Variants in AAK1 observed in about 807,000 individuals in gnomAD.
AAK1 encodes the protein AP2 associated kinase 1, also known as AP2-associated protein kinase 1.
Under a neutral mutation model 116.0 loss-of-function variants are expected in AAK1, and 37 were observed. That is an observed-to-expected ratio of 0.32 (90% CI 0.25 to 0.42). The LOEUF (loss-of-function observed/expected upper bound fraction) is 0.42. AAK1 is among the 10% of genes least tolerant of loss of function. The pLI is 1.00. For missense variants in AAK1, 919 were observed against 1,170.6 expected (o/e 0.79, Z 3.14); for synonymous variants, 458 against 439.9 (o/e 1.04, Z -0.51).
At chr2:69,542,494 T>C (rs1670762861) in intron 5 of AAK1, 29 bp downstream of exon 5, 2 of 1,612,954 alleles carry the variant, frequency 1.2e-6, no homozygotes, top group Non-Finnish European at 1.7e-6. Flanking sequence ...TTGAGTAGAA[T>C]GCCCGTAATG....
chr2:69,468,637 G>GT lies in AAK1; in HGVS notation c.*7231dup. On this transcript the variant is annotated 3_prime_UTR_variant, in exon 22 of 22. Coordinates refer to ENST00000409085, the MANE Select transcript of AAK1 (RefSeq NM_014911.5). The stretch of plus-strand genomic sequence containing the variant: ...GAACACTAGTTTGAACAGAGTCAGT[G>GT]TTTTTTGGAAATTTAAACTGAATTC... 3 of 985,436 alleles carry GT rather than the reference G, an allele frequency of 3.0e-6. No homozygotes were observed. Among genetic ancestry groups the GT allele is most frequent in the African/African-American group, 3.5e-5 (2 of 57,364 alleles). 61.0% of individuals were successfully genotyped at this position (985,436 alleles called of 1,614,324 possible). A position where few individuals can be genotyped will look rare whatever the true frequency, so the allele number is the denominator to read the frequency against.
chr2:69,609,804 C>T (rs1364418004), intron 2 of AAK1, among the ~76,000 whole-genome samples: 1 of 152,078 alleles, frequency 6.6e-6, no homozygotes, highest in African/African-American at 2.4e-5. Context: ...AATCCCAGCA[C>T]TTTAGGAGGC....
At chr2:69,476,152 T>TG (rs1274646972) in intron 21 of AAK1, among the ~76,000 whole-genome samples, 189 bp from the exon 22 acceptor site, 5 of 152,160 alleles carry the variant, frequency 3.3e-5, no homozygotes, top group Admixed American at 1.3e-4. Context: ...AACATGTAAG[T>TG]TAGCTGTCCA....
intron 2 of AAK1, among the ~76,000 whole-genome samples, chr2:69,565,697 G>T (rs530900870): frequency 1.3e-5 from 2 of 152,250 alleles, no homozygotes; most frequent in Admixed American, 1.3e-4. Context: ...AGCTGATCAG[G>T]TGGGAGAGTG....
At chr2:69,613,214 G>A (rs1052345261) in intron 2 of AAK1, among the ~76,000 whole-genome samples, 4 of 152,140 alleles carry the variant, frequency 2.6e-5, no homozygotes, top group African/African-American at 9.7e-5. Flanking sequence ...AGGAAGAGGG[G>A]AAATCACTTC....
chr2:69,564,970 G>A (rs1671802268), intron 2 of AAK1, among the ~76,000 whole-genome samples: 1 of 152,160 alleles, frequency 6.6e-6, no homozygotes, highest in South Asian at 2.1e-4. Flanking sequence ...GTATTTGTAT[G>A]ATACATTACT....
chr2:69,576,776 A>C (rs185090870), intron 2 of AAK1, among the ~76,000 whole-genome samples: 3 of 152,330 alleles, frequency 2.0e-5, no homozygotes, highest in Admixed American at 6.5e-5. Context: ...TGCCTAGAAA[A>C]AAATGGCCTC....
At chr2:69,628,240 G>A (rs530319715) in intron 2 of AAK1, among the ~76,000 whole-genome samples, 2 of 151,692 alleles carry the variant, frequency 1.3e-5, no homozygotes, top group Admixed American at 6.6e-5. Context: ...AAAACCAGAA[G>A]TTTGAGACCA....
intron 17 of AAK1, among the ~76,000 whole-genome samples, chr2:69,487,788 T>TA (rs1675356690): frequency 8.1e-6 from 1 of 124,194 alleles, no homozygotes; most frequent in Admixed American, 9.5e-5. Flanking sequence ...GTTTGTTTGC[T>TA]TTTTTTTTTT....
At chr2:69,598,452 G>T in intron 2 of AAK1, 1 of 236,202 alleles carries the variant, frequency 4.2e-6, no homozygotes. Flanking sequence ...GTTTATGTTG[G>T]GATCTGTTTG....
chr2:69,474,091 C>T lies in AAK1; in HGVS notation c.*1778G>A. 1.0e-6 allele frequency: 1 copy of T among 985,892 alleles called. No homozygotes were observed. Among genetic ancestry groups the T allele is most frequent in the Non-Finnish European group, 1.2e-6 (1 of 829,936 alleles). 61.1% of individuals were successfully genotyped at this position (985,892 alleles called of 1,614,324 possible). On this transcript the variant is annotated 3_prime_UTR_variant, in exon 22 of 22. Coordinates refer to ENST00000409085, the MANE Select transcript of AAK1 (RefSeq NM_014911.5). Reference sequence around the variant, plus strand: ...GGAAGGCTGGAAGATTCAGACTTTTCCTCCAATGCCTTTCAAAGGCTACTC... The same window carrying T: ...GGAAGGCTGGAAGATTCAGACTTTTTCTCCAATGCCTTTCAAAGGCTACTC...
At chr2:69,640,053 ACTCTCTCT>A (rs1177010194) in intron 2 of AAK1, among the ~76,000 whole-genome samples, 4 of 92,740 alleles carry the variant, frequency 4.3e-5, no homozygotes, top group Admixed American at 1.0e-4. Context: ...ACACACACAC[ACTCTCTCT>A]CTCTCTCTCT....
chr2:69,618,550 T>A (rs1674442890), intron 2 of AAK1, among the ~76,000 whole-genome samples: 1 of 152,170 alleles, frequency 6.6e-6, no homozygotes, highest in Non-Finnish European at 1.5e-5. Context: ...CTCCAAACCA[T>A]CACTCCTCCA....
intron 3 of AAK1, among the ~76,000 whole-genome samples, chr2:69,551,882 T>C (rs1365682342): frequency 6.6e-6 from 1 of 152,226 alleles, no homozygotes; most frequent in Non-Finnish European, 1.5e-5. Context: ...GTGAAACCAC[T>C]CAGTGAAACC....
chr2:69,513,323 T>C (rs1676460282), intron 13 of AAK1, among the ~76,000 whole-genome samples: 1 of 150,386 alleles, frequency 6.6e-6, no homozygotes, highest in Admixed American at 6.6e-5. Flanking sequence ...GAAAGATGGT[T>C]TCTTTTTTTT....
rs986857738 is a variant in AAK1, at chr2:69,474,323, T to C, written c.*1546A>G. On this transcript the variant is annotated 3_prime_UTR_variant, in exon 22 of 22. Transcript: ENST00000409085. ...CCCTTTTGATGATGGACAATGGCAC[T>C]AGAGGAAAAGAACAGGAGTGGGGTT... 2.2e-5 allele frequency: 22 copies of C among 985,748 alleles called. No homozygotes were observed. The highest frequency in any genetic ancestry group is 2.5e-5 in the Non-Finnish European group (21 of 829,942). The allele number at this position is 985,748 out of a possible 1,614,324, so 61.1% of individuals were successfully genotyped here.
intron 2 of AAK1, among the ~76,000 whole-genome samples, chr2:69,617,938 T>C (rs6546538): frequency 6.6e-6 from 1 of 151,984 alleles, no homozygotes; most frequent in Non-Finnish European, 1.5e-5. Flanking sequence ...TCGAGGCTGC[T>C]GAGCAAAGAT....
intron 2 of AAK1, among the ~76,000 whole-genome samples, chr2:69,582,599 C>A (rs1672595293): frequency 6.6e-6 from 1 of 152,148 alleles, no homozygotes; most frequent in African/African-American, 2.4e-5. Context: ...AACATCATAA[C>A]CCACATTCTA....
At chr2:69,491,543 C>T (rs1675523585) in intron 17 of AAK1, among the ~76,000 whole-genome samples, 1 of 152,164 alleles carries the variant, frequency 6.6e-6, no homozygotes, top group Non-Finnish European at 1.5e-5. Flanking sequence ...GTTTGACAAT[C>T]ACTGTATCCA....
Sources: gnomAD v4.1 joint callset for allele counts (sites outside exome capture counted in the v4.1 genomes callset) on GRCh38, gnomAD v4.1.1 for gene constraint, MANE v1.5 for transcripts, NCBI Gene and HGNC (gene_info 2026-07-23, HGNC 2026-07-21) for gene names.